RGS20: variants seen among roughly 807,000 people sequenced by gnomAD.
RGS20 encodes gz-selective GTPase-activating protein.
Under a neutral mutation model 33.6 loss-of-function variants are expected in RGS20, and 30 were observed. The observed-to-expected ratio is 0.89, with a 90% confidence interval of 0.67 to 1.21. RGS20 has a LOEUF of 1.21. RGS20 is among the 50% of genes most tolerant of loss of function. RGS20 has a pLI of 0.00. For synonymous variants in RGS20, 208 were observed against 197.9 expected (o/e 1.05, Z -0.43); for missense variants, 472 against 502.4 (o/e 0.94, Z 0.58).
At chr8:53,863,925 CACCA>C (rs1327888609) in intron 1 of RGS20, among the ~76,000 whole-genome samples, 10 of 151,330 alleles carry the variant, frequency 6.6e-5, no homozygotes, top group Non-Finnish European at 1.3e-4. Context: ...GACAGGGTTT[CACCA>C]TGTTAGCCAG....
intron 4 of RGS20, among the ~76,000 whole-genome samples, chr8:53,947,877 TA>T (rs1814563407): frequency 7.2e-6 from 1 of 138,160 alleles, no homozygotes; most frequent in Non-Finnish European, 1.5e-5. Context: ...ATGCTATATA[TA>T]AGATGTAGTA....
At chr8:53,889,429 T>C (rs1440831461) in intron 2 of RGS20, among the ~76,000 whole-genome samples, 1,935 of 113,788 alleles carry the variant, frequency 0.017, 128 homozygotes, top group African/African-American at 0.045. Flanking sequence ...TTTTTTTTTT[T>C]TTTTTTTTTT....
At chr8:53,880,983 C>T (rs895197721) in intron 2 of RGS20, 2 of 1,590,268 alleles carry the variant, frequency 1.3e-6, no homozygotes, top group South Asian at 1.1e-5. Context: ...CAGCCCTCCG[C>T]GCTGCAATAT....
In RGS20 at chr8:53,939,665, G is replaced by C. The variant is rs144093585; in HGVS notation, c.600G>C (p.Ala200=). Residue 200 remains alanine (A), a synonymous_variant, in exon 3 of 6, where the codon GCG becomes GCC. Transcript: ENST00000297313. The stretch of plus-strand genomic sequence containing the variant: ...GCGCCGCCCCAGGCCAGCCCGGAGC[G>C]GGGAGTCGCGGGTCCAACGCATGCT... The C allele has an allele frequency of 3.2e-6, 5 of 1,581,606 alleles. No homozygotes were observed. Among genetic ancestry groups the C allele is most frequent in the Non-Finnish European group, 4.3e-6 (5 of 1,164,186 alleles).
intron 5 of RGS20, 48 bp from the exon 5 acceptor site, chr8:53,958,222 G>T: frequency 2.2e-6 from 3 of 1,354,286 alleles, no homozygotes; most frequent in South Asian, 3.2e-5. Flanking sequence ...TTGGGATAGA[G>T]ATACAACTGA....
rs74635302 is a variant in RGS20 at position 53,897,714 on chromosome 8, T to C, written c.510+18112T>C. Reference sequence around the variant, plus strand: ...CTGCTGCCCCGTCGATTGTCCCACATTGAATTCATTTGCTGCTTTCTCAAG... The same window carrying C: ...CTGCTGCCCCGTCGATTGTCCCACACTGAATTCATTTGCTGCTTTCTCAAG... On this transcript the variant is annotated intron_variant, in intron 2 of 5. Coordinates refer to ENST00000297313, the MANE Select transcript of RGS20 (RefSeq NM_170587.4). 1.1e-4 allele frequency among the ~76,000 whole-genome samples: 17 copies of C among 152,346 alleles called. No individual in the cohort carries two copies. In the East Asian group the frequency reaches 3.3e-3, roughly 29 times the overall value.
chr8:53,911,529 G>A (rs1813345687), intron 2 of RGS20, among the ~76,000 whole-genome samples: 1 of 147,952 alleles, frequency 6.8e-6, no homozygotes, highest in Non-Finnish European at 1.5e-5. Context: ...AGGTAAGATA[G>A]ATACTTTTCT....
At chr8:53,949,372 C>G (rs558488302) in intron 4 of RGS20, among the ~76,000 whole-genome samples, 1 of 148,846 alleles carries the variant, frequency 6.7e-6, no homozygotes, top group Non-Finnish European at 1.5e-5. Context: ...AATATATATC[C>G]TTCTCAAGCA....
intron 2 of RGS20, among the ~76,000 whole-genome samples, chr8:53,918,642 C>T (rs1038833145): frequency 6.6e-6 from 1 of 152,174 alleles, no homozygotes; most frequent in Non-Finnish European, 1.5e-5. Flanking sequence ...CCTGCCTCAG[C>T]TTCCCAAAGT....
In RGS20 at chr8:53,915,360, A is replaced by G. The variant is rs978459901; in HGVS notation, c.511-24216A>G. The stretch of plus-strand genomic sequence containing the variant: ...CTGAAGACAGAGGTGGTATTGGTCA[A>G]TGGGAGTTCAGACCAGTTTTTCTTC... On this transcript the variant is annotated intron_variant, in intron 2 of 5. Coordinates refer to ENST00000297313, the MANE Select transcript of RGS20 (RefSeq NM_170587.4). Among the ~76,000 whole-genome samples, 8 of 152,220 alleles carry G rather than the reference A, an allele frequency of 5.3e-5. No individual in the cohort carries two copies. The Middle Eastern group carries it at 0.017, about 324-fold the overall frequency.
intron 2 of RGS20, among the ~76,000 whole-genome samples, chr8:53,936,539 C>T (rs964800615): frequency 5.3e-5 from 8 of 152,116 alleles, no homozygotes; most frequent in Admixed American, 2.0e-4. Flanking sequence ...ATACAACTTA[C>T]AAGGGATGTG....
At chr8:53,912,423 C>G (rs1813370620) in intron 2 of RGS20, among the ~76,000 whole-genome samples, 1 of 145,796 alleles carries the variant, frequency 6.9e-6, no homozygotes, top group Non-Finnish European at 1.5e-5. Flanking sequence ...TAATTTGCAT[C>G]TCTTTGTTTT....
chr8:53,893,086 G>A (rs1236686006), intron 2 of RGS20, among the ~76,000 whole-genome samples: 1 of 152,030 alleles, frequency 6.6e-6, no homozygotes, highest in African/African-American at 2.4e-5. Context: ...GTTATATCAA[G>A]TAGGGCTTAT....
chr8:53,909,253 A>ACT (rs1813280567), intron 2 of RGS20, among the ~76,000 whole-genome samples: 1 of 85,232 alleles, frequency 1.2e-5, no homozygotes, highest in Admixed American at 1.3e-4. Flanking sequence ...ATATATATAT[A>ACT]TACTTTTTTT....
chr8:53,914,045 T>TTTTTTTTTTTC, intron 2 of RGS20: 1 of 151,180 alleles, frequency 6.6e-6, no homozygotes, highest in Non-Finnish European at 1.5e-5. Flanking sequence ...CTCTTTTTTT[T>TTTTTTTTTTTC]TTTGAAACAG....
rs911511414 is a variant in RGS20 at position 53,898,664 on chromosome 8, G to A, written c.510+19062G>A. Among the ~76,000 whole-genome samples, 127 of 152,204 alleles carry A rather than the reference G, an allele frequency of 8.3e-4. 3 individuals are homozygous for A. The highest frequency in any genetic ancestry group is 2.0e-4 in the Admixed American group (3 of 15,280). On this transcript the variant is annotated intron_variant, in intron 2 of 5. Coordinates refer to ENST00000297313, the MANE Select transcript of RGS20 (RefSeq NM_170587.4). ...GAGATTGAATACAGTAAGGGCTTAT[G>A]TGGCATTAATTGCACATATTTATTG...
At chr8:53,915,723 C>T (rs1813464460) in intron 2 of RGS20, among the ~76,000 whole-genome samples, 1 of 152,168 alleles carries the variant, frequency 6.6e-6, no homozygotes, top group African/African-American at 2.4e-5. Flanking sequence ...TCTTCTGAAT[C>T]ATCTGAGGAC....
chr8:53,873,367 G>A (rs1353190720), intron 1 of RGS20, among the ~76,000 whole-genome samples: 7 of 152,180 alleles, frequency 4.6e-5, no homozygotes, highest in Admixed American at 4.6e-4. Flanking sequence ...CAGAAATTAT[G>A]TATCCACCAA....
intron 2 of RGS20, among the ~76,000 whole-genome samples, chr8:53,929,234 G>A (rs1402601917): frequency 1.3e-5 from 2 of 152,212 alleles, no homozygotes; most frequent in Non-Finnish European, 1.5e-5. Flanking sequence ...TCTTGATTGT[G>A]ATGATGGCTT....
Sources: allele counts gnomAD v4.1 joint callset (sites outside exome capture counted in the v4.1 genomes callset), GRCh38; gene constraint gnomAD v4.1.1; transcripts MANE v1.5; gene names NCBI Gene and HGNC (gene_info 2026-07-23, HGNC 2026-07-21).